WDR7: variants seen among roughly 807,000 people sequenced by gnomAD.
WDR7 encodes WD repeat domain 7.
A neutral mutation model predicts 169.4 loss-of-function variants in WDR7; 46 were observed. That is an observed-to-expected ratio of 0.27 (90% confidence interval 0.21 to 0.35). WDR7 has a LOEUF of 0.35. Ranked by LOEUF, WDR7 falls within the 10% of genes least tolerant of loss-of-function variation. The pLI is 1.00. For missense variants in WDR7, 1,534 were observed against 1,859.3 expected (o/e 0.83, Z 3.22); for synonymous variants, 612 against 666.8 (o/e 0.92, Z 1.27).
intron 20 of WDR7, among the ~76,000 whole-genome samples, chr18:56,850,879 C>T (rs1031740248): frequency 6.6e-6 from 1 of 152,118 alleles, no homozygotes; most frequent in South Asian, 2.1e-4. Flanking sequence ...TCTAGGATAC[C>T]ACCATTCACT....
rs149645294 is a variant in WDR7, at chr18:56,692,914, A to C, written c.966+1097A>C. Among the ~76,000 whole-genome samples the C allele has an allele frequency of 3.9e-5, 6 of 152,262 alleles. No homozygotes were observed. The East Asian group carries it at 1.2e-3, about 29-fold the overall frequency. ...TGAGACCCCATCTCTACAAAAAAAAAAATTAGCATGGTGTGGTGGTACACG... is the reference window on the plus strand; with the variant it reads ...TGAGACCCCATCTCTACAAAAAAAACAATTAGCATGGTGTGGTGGTACACG... On this transcript the variant is annotated intron_variant, in intron 9 of 27. Coordinates refer to ENST00000254442, the MANE Select transcript of WDR7 (RefSeq NM_015285.3).
At chr18:56,990,536 T>A (rs922405976) in intron 26 of WDR7, among the ~76,000 whole-genome samples, 1 of 152,348 alleles carries the variant, frequency 6.6e-6, no homozygotes, top group East Asian at 1.9e-4. Context: ...AAAAAGAAGA[T>A]GAACCTGGAT....
chr18:56,860,049 G>A (rs1159711356), intron 20 of WDR7, among the ~76,000 whole-genome samples: 2 of 152,088 alleles, frequency 1.3e-5, no homozygotes, highest in Non-Finnish European at 2.9e-5. Context: ...AAGGAGAAAG[G>A]GTTTCCATAC....
At chr18:56,894,794 T>C (rs1259404784) in intron 21 of WDR7, among the ~76,000 whole-genome samples, 1 of 152,128 alleles carries the variant, frequency 6.6e-6, no homozygotes, top group Non-Finnish European at 1.5e-5. Context: ...TCTTTGATTA[T>C]GTAACTGCTG....
At chr18:56,691,470 T>TA in intron 8 of WDR7, 109 bp downstream of exon 8, 1 of 1,258,092 alleles carries the variant, frequency 7.9e-7, no homozygotes, top group Non-Finnish European at 1.0e-6. Context: ...TTAACTTTGA[T>TA]AAAACACTTC....
At chr18:56,838,756 T>TAAGTG (rs915254826) in intron 20 of WDR7, among the ~76,000 whole-genome samples, 1 of 152,226 alleles carries the variant, frequency 6.6e-6, no homozygotes, top group Non-Finnish European at 1.5e-5. Flanking sequence ...GAGCTTAAGC[T>TAAGTG]AAGTGGGATG....
intron 16 of WDR7, among the ~76,000 whole-genome samples, chr18:56,770,096 TTA>T: frequency 6.6e-6 from 1 of 152,320 alleles, no homozygotes; most frequent in South Asian, 2.1e-4. Flanking sequence ...AACCTTCTCT[TTA>T]TGTTTCTGGA....
chr18:56,744,749 T>C (rs1005039569), intron 14 of WDR7, among the ~76,000 whole-genome samples: 9 of 152,104 alleles, frequency 5.9e-5, no homozygotes, highest in African/African-American at 9.7e-5. Flanking sequence ...GGTGCAACCT[T>C]TGCGTGGGAG....
intron 12 of WDR7, among the ~76,000 whole-genome samples, chr18:56,714,184 G>A (rs1240911138): frequency 6.6e-6 from 1 of 151,904 alleles, no homozygotes; most frequent in Non-Finnish European, 1.5e-5. Context: ...TATATGAGTT[G>A]GACTAGCATT....
At chr18:57,006,653 T>G (rs1229157041) in intron 26 of WDR7, among the ~76,000 whole-genome samples, 1 of 152,184 alleles carries the variant, frequency 6.6e-6, no homozygotes, top group African/African-American at 2.4e-5. Context: ...TCAGGTAAAT[T>G]ACCTTTGGCC....
At chr18:57,004,986 C>CTTCCTGGTTTCCTGGTTTCCTGACT (rs2048035363) in intron 26 of WDR7, among the ~76,000 whole-genome samples, 4 of 152,116 alleles carry the variant, frequency 2.6e-5, no homozygotes, top group African/African-American at 9.7e-5. Context: ...TTAAAGAGTA[C>CTTCCTGGTTTCCTGGTTTCCTGACT]TCTTGGGTTT....
intron 21 of WDR7, among the ~76,000 whole-genome samples, chr18:56,923,654 A>G (rs1186176641): frequency 1.3e-5 from 2 of 152,236 alleles, no homozygotes; most frequent in African/African-American, 4.8e-5. Context: ...AAGATCACTG[A>G]TATGTTTTGA....
At chr18:56,766,519 A>G (rs888014916) in intron 16 of WDR7, among the ~76,000 whole-genome samples, 1 of 152,092 alleles carries the variant, frequency 6.6e-6, no homozygotes, top group African/African-American at 2.4e-5. Flanking sequence ...AATGTGTAAT[A>G]TGCCATTGGT....
Position 56,696,333 on chromosome 18 carries a change from A to T in WDR7, c.1449A>T (p.Arg483Ser). Residue 483 changes from arginine to serine, a missense_variant, in exon 12 of 28, where the codon AGA becomes AGT. Coordinates refer to ENST00000254442, the MANE Select transcript of WDR7 (RefSeq NM_015285.3). ...PHQVSARYDQ[R>S]YLISGGVDFS... ...AGGTCTCAGCTCGGTATGATCAAAG[A>T]TACCTGATATCTGGAGGTGTGGATT... 1 of 1,614,172 alleles carries T rather than the reference A, an allele frequency of 6.2e-7. No homozygotes were observed. Among genetic ancestry groups the T allele is most frequent in the Non-Finnish European group, 8.5e-7 (1 of 1,180,014 alleles).
intron 12 of WDR7, among the ~76,000 whole-genome samples, chr18:56,712,542 T>C (rs1355574699): frequency 1.3e-5 from 2 of 152,246 alleles, no homozygotes; most frequent in Non-Finnish European, 2.9e-5. Context: ...AGTTTTTACT[T>C]GGTTAAATAT....
intron 16 of WDR7, among the ~76,000 whole-genome samples, chr18:56,766,124 A>G (rs2144993134): frequency 6.6e-6 from 1 of 152,156 alleles, no homozygotes; most frequent in East Asian, 1.9e-4. Flanking sequence ...TAGTTCTAAC[A>G]AGATCTGATA....
intron 26 of WDR7, among the ~76,000 whole-genome samples, chr18:56,986,146 G>A (rs1175832417): frequency 8.5e-5 from 12 of 141,412 alleles, no homozygotes; most frequent in African/African-American, 3.3e-4. Context: ...GTGTGTGTGT[G>A]TGTGTGTGTG....
intron 21 of WDR7, among the ~76,000 whole-genome samples, chr18:56,920,886 T>C (rs2046708324): frequency 6.6e-6 from 1 of 152,182 alleles, no homozygotes. Context: ...CTTTGATCCA[T>C]GTTGCAGAGC....
chr18:56,912,387 A>C (rs1292221212), intron 21 of WDR7, among the ~76,000 whole-genome samples: 1 of 152,246 alleles, frequency 6.6e-6, no homozygotes, highest in African/African-American at 2.4e-5. Flanking sequence ...ATGATTAATA[A>C]GTGATCTCTG....
Sources: gnomAD v4.1 joint callset for allele counts (sites outside exome capture counted in the v4.1 genomes callset) on GRCh38, gnomAD v4.1.1 for gene constraint, MANE v1.5 for transcripts, NCBI Gene and HGNC (gene_info 2026-07-23, HGNC 2026-07-21) for gene names.